Variants in ZNF804A observed in about 807,000 individuals in gnomAD.
ZNF804A encodes the protein zinc finger protein 804A.
ZNF804A carries 2 observed loss-of-function variants against 16.5 expected under a neutral mutation model. The observed-to-expected ratio is 0.12, with a 90% confidence interval of 0.05 to 0.38. ZNF804A has a LOEUF of 0.38. ZNF804A is among the 10% of genes least tolerant of loss of function. ZNF804A has a pLI of 0.99. For missense variants in ZNF804A, 1,473 were observed against 1,390.7 expected, an observed-to-expected ratio of 1.06 and a Z score of -0.94; for synonymous variants, 534 against 489.6, an observed-to-expected ratio of 1.09 and a Z score of -1.20.
At chr2:184,731,205 C>G (rs1308877567) in intron 1 of ZNF804A, among the ~76,000 whole-genome samples, 2 of 117,026 alleles carry the variant, frequency 1.7e-5, no homozygotes, top group African/African-American at 6.4e-5. Flanking sequence ...GAGCTGAGAT[C>G]GTGCCACTGC....
intron 1 of ZNF804A, among the ~76,000 whole-genome samples, chr2:184,772,227 C>A (rs1282210228): frequency 6.7e-6 from 1 of 149,272 alleles, no homozygotes; most frequent in African/African-American, 2.5e-5. Context: ...GTGCAACTGT[C>A]ATTGCAATTT....
chr2:184,795,009 G>A (rs376962104), intron 1 of ZNF804A, among the ~76,000 whole-genome samples: 12 of 152,214 alleles, frequency 7.9e-5, no homozygotes, highest in African/African-American at 2.9e-4. Context: ...CCCTAGACAG[G>A]TCGTCAAGAC....
intron 2 of ZNF804A, among the ~76,000 whole-genome samples, chr2:184,888,369 T>G (rs1292900761): frequency 6.6e-6 from 1 of 152,136 alleles, no homozygotes; most frequent in Non-Finnish European, 1.5e-5. Context: ...AAATCAAATG[T>G]GTAAGAGATG....
intron 2 of ZNF804A, among the ~76,000 whole-genome samples, chr2:184,922,744 C>CA (rs1434001876): frequency 6.6e-6 from 1 of 151,630 alleles, no homozygotes; most frequent in Non-Finnish European, 1.5e-5. Context: ...TTGCATATGG[C>CA]AAAAAATAGG....
chr2:184,698,904 T>C (rs1692877646), intron 1 of ZNF804A, among the ~76,000 whole-genome samples: 1 of 152,102 alleles, frequency 6.6e-6, no homozygotes, highest in African/African-American at 2.4e-5. Flanking sequence ...TGCTTTCATT[T>C]TGAATGGATT....
intron 1 of ZNF804A, among the ~76,000 whole-genome samples, chr2:184,771,385 A>G (rs1694210653): frequency 6.6e-6 from 1 of 151,862 alleles, no homozygotes; most frequent in Non-Finnish European, 1.5e-5. Context: ...AGGTGTCCAG[A>G]CAGGTTTTGC....
chr2:184,838,133 C>A (rs1328906930), intron 1 of ZNF804A, among the ~76,000 whole-genome samples: 1 of 152,018 alleles, frequency 6.6e-6, no homozygotes, highest in Non-Finnish European at 1.5e-5. Context: ...GAGTTTAAGA[C>A]AGAGAATTTT....
At chr2:184,687,375 A>AT (rs1359955478) in intron 1 of ZNF804A, among the ~76,000 whole-genome samples, 1 of 152,176 alleles carries the variant, frequency 6.6e-6, no homozygotes, top group African/African-American at 2.4e-5. Flanking sequence ...AGTACCACTT[A>AT]TTTTTTATTT....
chr2:184,909,823 A>C (rs1253818668), intron 2 of ZNF804A, among the ~76,000 whole-genome samples: 1 of 152,048 alleles, frequency 6.6e-6, no homozygotes, highest in Non-Finnish European at 1.5e-5. Context: ...TGTGTTTTAC[A>C]TATGTGCTAT....
At chr2:184,734,518 G>C (rs1214270058) in intron 1 of ZNF804A, among the ~76,000 whole-genome samples, 1 of 152,012 alleles carries the variant, frequency 6.6e-6, no homozygotes, top group Non-Finnish European at 1.5e-5. Flanking sequence ...TTCCATTGTG[G>C]TCTGTGAGTA....
intron 1 of ZNF804A, among the ~76,000 whole-genome samples, chr2:184,812,812 C>A (rs1188724574): frequency 6.6e-6 from 1 of 152,090 alleles, no homozygotes; most frequent in Non-Finnish European, 1.5e-5. Flanking sequence ...AATACAATTT[C>A]TCTCACTCTC....
chr2:184,933,695 C>T lies in ZNF804A; in HGVS notation c.348C>T (p.Arg116=), dbSNP rs1251784684. The change falls in exon 3 of 4, where the codon CGC becomes CGT. Residue 116 remains arginine, a synonymous_variant. Transcript: ENST00000302277. ...DERKQEKALQ[R]LHKLAELRKE... ...GAAAACAGGAAAAGGCACTCCAACG[C>T]CTGCACAAGCTGGCTGAGCTAAGAA... is the stretch of plus-strand genomic sequence containing the variant. The T allele has an allele frequency of 1.2e-6, 2 of 1,608,492 alleles. No homozygotes were observed. The highest frequency in any genetic ancestry group is 2.7e-5 in the African/African-American group (2 of 74,360).
intron 1 of ZNF804A, among the ~76,000 whole-genome samples, chr2:184,766,592 G>A (rs759823518): frequency 4.7e-5 from 7 of 148,454 alleles, no homozygotes; most frequent in Non-Finnish European, 8.9e-5. Flanking sequence ...TGTGCGATAT[G>A]ACTGTCTTGT....
chr2:184,886,653 T>A (rs1684896110), intron 2 of ZNF804A, among the ~76,000 whole-genome samples: 1 of 152,244 alleles, frequency 6.6e-6, no homozygotes, highest in African/African-American at 2.4e-5. Context: ...ATTCTTGACT[T>A]CTGTGCACCT....
At chr2:184,737,761 T>C (rs1693651091) in intron 1 of ZNF804A, among the ~76,000 whole-genome samples, 2 of 152,146 alleles carry the variant, frequency 1.3e-5, no homozygotes, top group South Asian at 4.1e-4. Context: ...TGAATAAGTA[T>C]TAACTGGGTC....
intron 1 of ZNF804A, among the ~76,000 whole-genome samples, chr2:184,744,059 T>C (rs925236868): frequency 2.0e-5 from 3 of 151,932 alleles, no homozygotes; most frequent in Non-Finnish European, 4.4e-5. Flanking sequence ...TTACTTAAAA[T>C]AACCACTTGT....
chr2:184,748,292 T>C (rs1431014781), intron 1 of ZNF804A, among the ~76,000 whole-genome samples: 1 of 151,174 alleles, frequency 6.6e-6, no homozygotes, highest in Non-Finnish European at 1.5e-5. Context: ...CATCTGTTTT[T>C]TTTTTTGACT....
chr2:184,930,022 A>G (rs1685670707), intron 2 of ZNF804A, among the ~76,000 whole-genome samples: 1 of 150,238 alleles, frequency 6.7e-6, no homozygotes, highest in African/African-American at 2.5e-5. Context: ...TAAATACACA[A>G]CACTTGCCCA....
intron 1 of ZNF804A, among the ~76,000 whole-genome samples, chr2:184,852,229 TTCTC>T (rs10618125): frequency 0.034 from 4,554 of 134,342 alleles, 136 homozygotes; most frequent in African/African-American, 0.09. Flanking sequence ...TGCGGTCTCT[TTCTC>T]TCTCTCTCTC....
Sources: allele counts gnomAD v4.1 joint callset (sites outside exome capture counted in the v4.1 genomes callset), GRCh38; gene constraint gnomAD v4.1.1; transcripts MANE v1.5; gene names NCBI Gene and HGNC (gene_info 2026-07-23, HGNC 2026-07-21).